Variants in DCHS2 observed in about 807,000 individuals in gnomAD.
DCHS2 encodes dachsous cadherin-related 2, also known as protocadherin-23.
A neutral mutation model predicts 182.4 loss-of-function variants in DCHS2; 142 were observed. That is an observed-to-expected ratio of 0.78 (90% CI 0.68 to 0.89). The LOEUF is 0.89. Among genes scored for constraint, DCHS2 ranks in the 40% least tolerant of loss-of-function variants. The probability of loss-of-function intolerance (pLI) is 0.00; values close to 1 mark genes in which losing one functional copy is unlikely to be tolerated. For missense variants in DCHS2, 4,319 were observed against 4,198.6 expected (o/e 1.03, Z -0.79); for synonymous variants, 1,740 against 1,663.3 (o/e 1.05, Z -1.12).
intron 9 of DCHS2, among the ~76,000 whole-genome samples, chr4:154,319,609 C>T (rs901357130): frequency 2.2e-5 from 3 of 134,124 alleles, no homozygotes; most frequent in African/African-American, 5.8e-5. Flanking sequence ...AAATGCAAAT[C>T]AAAACCACAA....
intron 1 of DCHS2, among the ~76,000 whole-genome samples, chr4:154,409,046 C>T (rs1486124200): frequency 6.6e-6 from 1 of 152,186 alleles, no homozygotes; most frequent in Non-Finnish European, 1.5e-5. Flanking sequence ...ACAAGCCAAG[C>T]AGTCAAGCAT....
intron 1 of DCHS2, among the ~76,000 whole-genome samples, chr4:154,405,813 G>C (rs1445588117): frequency 1.3e-5 from 2 of 152,216 alleles, no homozygotes; most frequent in African/African-American, 2.4e-5. Flanking sequence ...CTCAGGGTTT[G>C]ATGTTGGGTC....
In DCHS2 at chr4:154,233,639, A is replaced by G. The variant is rs1731296178; in HGVS notation, c.*897T>C. The G allele has an allele frequency of 1.3e-5, 2 of 152,212 alleles. No individual in the cohort carries two copies. Among genetic ancestry groups the G allele is most frequent in the South Asian group, 4.1e-4 (2 of 4,828 alleles). The allele number at this position is 152,212 out of a possible 1,614,324, so 9.4% of individuals were successfully genotyped here. A position where few individuals can be genotyped will look rare whatever the true frequency, so the allele number is the denominator to read the frequency against. On this transcript the variant is annotated 3_prime_UTR_variant, in exon 20 of 20. Coordinates refer to ENST00000357232, the MANE Select transcript of DCHS2 (RefSeq NM_001358235.2). ...AAAAAAGTTACTGTATCTAGAAGAA[A>G]ATAAAATGAAGACATTGCTATAAAT...
At chr4:154,430,281 C>A (rs917585722) in intron 1 of DCHS2, among the ~76,000 whole-genome samples, 2 of 152,144 alleles carry the variant, frequency 1.3e-5, no homozygotes, top group African/African-American at 2.4e-5. Context: ...TTAGGCCATA[C>A]CCTACAGCCA....
chr4:154,315,366 A>G (rs1356579768), intron 10 of DCHS2, among the ~76,000 whole-genome samples: 3 of 152,162 alleles, frequency 2.0e-5, no homozygotes, highest in Admixed American at 2.0e-4. Context: ...CTCTTCCACT[A>G]TGCTATATAT....
intron 10 of DCHS2, among the ~76,000 whole-genome samples, chr4:154,310,791 G>T (rs1179774834): frequency 6.6e-6 from 1 of 152,136 alleles, no homozygotes; most frequent in Non-Finnish European, 1.5e-5. Flanking sequence ...GAGATATTAT[G>T]ATGACATCAT....
At position 154,429,075 on chromosome 4, in the gene DCHS2, A is replaced by G. The variant is rs143842461; in HGVS notation, c.2053-51631T>C. Among the ~76,000 whole-genome samples, 86 of 152,330 alleles carry G rather than the reference A, an allele frequency of 5.6e-4. 1 individual carries two copies. Among genetic ancestry groups the G allele is most frequent in the African/African-American group, 1.9e-3 (80 of 41,586 alleles). On this transcript the variant is annotated intron_variant, in intron 1 of 19. Transcript: ENST00000357232. ...CAAAGAAATCTTCAAAAGCAAGAGT[A>G]CAACCTGGCGATGGTTTATAAACTG...
intron 16 of DCHS2, among the ~76,000 whole-genome samples, chr4:154,243,189 A>G (rs1017830921): frequency 1.3e-5 from 2 of 152,300 alleles, no homozygotes; most frequent in East Asian, 3.9e-4. Context: ...CTGAACCAAC[A>G]AAAGATGTAG....
chr4:154,314,230 T>C lies in DCHS2; in HGVS notation c.5260+1518A>G, dbSNP rs181421690. The stretch of plus-strand genomic sequence containing the variant: ...GTATATGTCTATATACTTTGGGAAG[T>C]AGTTTTTGCATTGCTCAGCACCCTG... On this transcript the variant is annotated intron_variant, in intron 10 of 19. Transcript: ENST00000357232. Among the ~76,000 whole-genome samples, 14 of 152,302 alleles carry C rather than the reference T, an allele frequency of 9.2e-5. No individual in the cohort carries two copies. The East Asian group carries it at 2.3e-3, about 25-fold the overall frequency.
At position 154,234,672 on chromosome 4, in the gene DCHS2, T is replaced by G; in HGVS notation, c.9980A>C (p.Asn3327Thr). ...CAATAGGGAAAGAGATGGAGAAAAA[T>G]TGGGAGTCATGCCTTCTGGCAGAGA... ...LGSLPEGMTP[N>T]FSPSLSLLTM... Residue 3327 changes from asparagine (N) to threonine (T), a missense_variant, in exon 20 of 20, where the codon AAT becomes ACT. Asn to Thr is a moderately conservative substitution (Grantham distance 65). Transcript: ENST00000357232. 6.2e-7 allele frequency: 1 copy of G among 1,613,436 alleles called. No individual in the cohort carries two copies.
intron 1 of DCHS2, among the ~76,000 whole-genome samples, chr4:154,441,173 CATT>C (rs2110955674): frequency 6.6e-6 from 1 of 152,252 alleles, no homozygotes; most frequent in East Asian, 1.9e-4. Context: ...CGGAAAGCCT[CATT>C]GACTTAAAAG....
chr4:154,318,606 G>A (rs1401351753), intron 9 of DCHS2, among the ~76,000 whole-genome samples: 2 of 152,040 alleles, frequency 1.3e-5, no homozygotes, highest in Non-Finnish European at 2.9e-5. Context: ...ATTGACAATA[G>A]CACAAAAAGG....
chr4:154,332,846 C>G lies in DCHS2; in HGVS notation c.3362G>C (p.Arg1121Thr). Reference sequence around the variant, plus strand: ...GTCTACGCTGGGTTCCAGCGAGTACCTAAGAGGCGAGGCTGCACGCTGGGG... The same window carrying G: ...GTCTACGCTGGGTTCCAGCGAGTACGTAAGAGGCGAGGCTGCACGCTGGGG... ...LGPQRAASPL[R>T]YSLEPSVDSA... Residue 1121 changes from arginine (R) to threonine (T), a missense_variant, in exon 5 of 20, where the codon AGG becomes ACG. Transcript: ENST00000357232. 6.2e-7 allele frequency: 1 copy of G among 1,614,186 alleles called. No homozygotes were observed. Among genetic ancestry groups the G allele is most frequent in the Non-Finnish European group, 8.5e-7 (1 of 1,180,038 alleles).
chr4:154,241,627 A>G (rs554396526), intron 17 of DCHS2, among the ~76,000 whole-genome samples: 2 of 152,246 alleles, frequency 1.3e-5, no homozygotes, highest in South Asian at 2.1e-4. Context: ...TTCAAGCTTG[A>G]ACACTCTCAA....
At position 154,471,214 on chromosome 4, in the gene DCHS2, G is replaced by A. The variant is rs72969994; in HGVS notation, c.2052+18090C>T. On this transcript the variant is annotated intron_variant, in intron 1 of 19. Coordinates refer to ENST00000357232, the MANE Select transcript of DCHS2 (RefSeq NM_001358235.2). The stretch of plus-strand genomic sequence containing the variant: ...TTTCAACTCCACAGTGTCTCCGACA[G>A]CCCAGTTTTTGTTTCAGAATGATTC... 5.8e-3 allele frequency among the ~76,000 whole-genome samples: 884 copies of A among 152,244 alleles called. 12 individuals are homozygous for A. Among genetic ancestry groups the A allele is most frequent in the African/African-American group, 0.019 (800 of 41,530 alleles).
intron 1 of DCHS2, among the ~76,000 whole-genome samples, chr4:154,387,338 T>C (rs1731465806): frequency 6.6e-6 from 1 of 152,186 alleles, no homozygotes; most frequent in Admixed American, 6.5e-5. Flanking sequence ...ATTAAAATAG[T>C]GTGATCTAAT....
At chr4:154,486,138 T>C (rs1180479288) in intron 1 of DCHS2, among the ~76,000 whole-genome samples, 1 of 152,218 alleles carries the variant, frequency 6.6e-6, no homozygotes, top group African/African-American at 2.4e-5. Flanking sequence ...GTGCCTACAA[T>C]GTTGTAAAAA....
intron 2 of DCHS2, among the ~76,000 whole-genome samples, chr4:154,368,425 A>G (rs1352740121): frequency 2.0e-5 from 3 of 152,218 alleles, no homozygotes; most frequent in African/African-American, 7.2e-5. Context: ...ATATTGCCCC[A>G]GCTTAAGATA....
rs754285751 is a variant in DCHS2 at position 154,366,341 on chromosome 4, T to A, written c.2345A>T (p.Asp782Val). ...GATCTCGGTGCCTGGCTGGGTCTCA[T>A]CACTGATGCTCGTCACATAGGTTGA... ...NPSTYVTSIS[D>V]ETQPGTEIIN... Residue 782 changes from aspartate to valine, a missense_variant, in exon 3 of 20, where the codon GAT (aspartate) becomes GTT (valine). By Grantham distance (152) the Asp-to-Val change is radical (BLOSUM62 -3). Transcript: ENST00000357232. 6.8e-6 allele frequency: 11 copies of A among 1,613,648 alleles called. No homozygotes were observed. Among genetic ancestry groups the A allele is most frequent in the Admixed American group, 1.7e-5 (1 of 59,968 alleles).
Sources: gnomAD v4.1 joint callset for allele counts (sites outside exome capture counted in the v4.1 genomes callset) on GRCh38, gnomAD v4.1.1 for gene constraint, MANE v1.5 for transcripts, NCBI Gene and HGNC (gene_info 2026-07-23, HGNC 2026-07-21) for gene names.